The following TFPI variants were observed in gnomAD, a reference collection of about 807,000 sequenced individuals.
TFPI encodes the protein anti-convertin.
Under a neutral mutation model 34.6 loss-of-function variants are expected in TFPI, and 15 were observed. The observed-to-expected ratio is 0.43, with a 90% confidence interval of 0.29 to 0.67. The LOEUF (loss-of-function observed/expected upper bound fraction) is 0.67. Among genes scored for constraint, TFPI ranks in the 30% least tolerant of loss-of-function variants. The pLI is 0.15. For missense variants in TFPI, 301 were observed against 364.0 expected (o/e 0.83, Z 1.41); for synonymous variants, 105 against 120.1 (o/e 0.87, Z 0.82).
intron 3 of TFPI, among the ~76,000 whole-genome samples, chr2:187,492,274 T>A (rs1228665801): frequency 6.6e-6 from 1 of 152,196 alleles, no homozygotes; most frequent in Non-Finnish European, 1.5e-5. Flanking sequence ...GAGGATTTAG[T>A]CATAAATTCT....
intron 6 of TFPI, among the ~76,000 whole-genome samples, chr2:187,479,652 C>A (rs1451217838): frequency 1.4e-5 from 2 of 145,574 alleles, no homozygotes; most frequent in Non-Finnish European, 3.0e-5. Flanking sequence ...ACCAAAACGA[C>A]AATTCCATTT....
At chr2:187,488,554 T>C (rs1693461740) in intron 3 of TFPI, among the ~76,000 whole-genome samples, 179 bp from the exon 4 acceptor site, 1 of 151,406 alleles carries the variant, frequency 6.6e-6, no homozygotes, top group African/African-American at 2.4e-5. Flanking sequence ...TTTCTATTTA[T>C]TGTAACCATG....
At chr2:187,480,348 G>T (rs1692754506) in intron 6 of TFPI, among the ~76,000 whole-genome samples, 1 of 152,028 alleles carries the variant, frequency 6.6e-6, no homozygotes, top group South Asian at 2.1e-4. Context: ...GAACTGACTA[G>T]ATATCAGGCA....
chr2:187,493,149 C>G (rs1399216167), intron 3 of TFPI, among the ~76,000 whole-genome samples: 1 of 152,166 alleles, frequency 6.6e-6, no homozygotes, highest in Non-Finnish European at 1.5e-5. Flanking sequence ...CGCATCCAGG[C>G]ATTTCCATAC....
chr2:187,468,322 T>G (rs1406969526), intron 6 of TFPI, among the ~76,000 whole-genome samples: 1 of 151,968 alleles, frequency 6.6e-6, no homozygotes, highest in Non-Finnish European at 1.5e-5. Flanking sequence ...ACATATCATT[T>G]GTTCACAAAT....
At chr2:187,507,006 C>G (rs754077491) in intron 1 of TFPI, among the ~76,000 whole-genome samples, 23 of 151,938 alleles carry the variant, frequency 1.5e-4, no homozygotes, top group Non-Finnish European at 3.1e-4. Flanking sequence ...TTTGCTGCAC[C>G]CATCAACCCA....
chr2:187,517,396 A>G (rs1200337898), intron 1 of TFPI: 1 of 152,078 alleles, frequency 6.6e-6, no homozygotes, highest in East Asian at 1.9e-4. Flanking sequence ...CTTAATTTTT[A>G]TATTTACCCA....
intron 4 of TFPI, among the ~76,000 whole-genome samples, chr2:187,486,809 T>C (rs1693301063): frequency 6.6e-6 from 1 of 151,656 alleles, no homozygotes; most frequent in South Asian, 2.1e-4. Flanking sequence ...GCATTATCAC[T>C]GTCAACTTTT....
At chr2:187,478,907 A>G (rs1300189426) in intron 6 of TFPI, 3 of 859,894 alleles carry the variant, frequency 3.5e-6, no homozygotes, top group Non-Finnish European at 5.2e-6. Flanking sequence ...TGTATAGTAC[A>G]TTATGTTTTT....
intron 2 of TFPI, among the ~76,000 whole-genome samples, chr2:187,500,189 C>T (rs1685759951): frequency 6.6e-6 from 1 of 152,092 alleles, no homozygotes; most frequent in Non-Finnish European, 1.5e-5. Flanking sequence ...AGTAGTTGTA[C>T]CTAGCAACAA....
rs1290698636 is a variant in TFPI at position 187,465,901 on chromosome 2, A to G, written c.*1035T>C. The stretch of plus-strand genomic sequence containing the variant: ...GCCAGACTGCACATGGCTCAGCAAT[A>G]AATGAAAGATACAGGTCTGGATATA... On this transcript the variant is annotated 3_prime_UTR_variant, in exon 8 of 8. Coordinates refer to ENST00000233156, the MANE Select transcript of TFPI (RefSeq NM_006287.6). 1 of 152,178 alleles carries G rather than the reference A, an allele frequency of 6.6e-6. No homozygotes were observed. Among genetic ancestry groups the G allele is most frequent in the Non-Finnish European group, 1.5e-5 (1 of 68,038 alleles). The allele number at this position is 152,178 out of a possible 1,614,324, so 9.4% of individuals were successfully genotyped here.
In TFPI at chr2:187,465,740, G is replaced by T. The variant is rs761570784; in HGVS notation, c.*1196C>A. ...ATTCATGAAGCTATTCATGAAGCTA[G>T]TCATGAAGCTAGTCATACCAAATGA... is the stretch of plus-strand genomic sequence containing the variant. On this transcript the variant is annotated 3_prime_UTR_variant, in exon 8 of 8. Transcript: ENST00000233156. 1.3e-5 allele frequency: 2 copies of T among 151,968 alleles called. No individual in the cohort carries two copies. The highest frequency in any genetic ancestry group is 4.8e-5 in the African/African-American group (2 of 41,396). The allele number at this position is 151,968 out of a possible 1,614,324, so 9.4% of individuals were successfully genotyped here.
chr2:187,532,843 C>T (rs1422756732), intron 1 of TFPI, among the ~76,000 whole-genome samples: 1 of 152,222 alleles, frequency 6.6e-6, no homozygotes, highest in African/African-American at 2.4e-5. Context: ...GAAATTCTTG[C>T]TCCTAGCACA....
intron 6 of TFPI, among the ~76,000 whole-genome samples, chr2:187,480,461 A>G (rs1163488309): frequency 6.6e-6 from 1 of 152,156 alleles, no homozygotes; most frequent in Non-Finnish European, 1.5e-5. Context: ...TGGAAAGATG[A>G]AACTCAGGTT....
chr2:187,479,473 T>C (rs1230183274), intron 6 of TFPI, among the ~76,000 whole-genome samples: 1 of 148,980 alleles, frequency 6.7e-6, no homozygotes, highest in Non-Finnish European at 1.5e-5. Flanking sequence ...TTTATCTATT[T>C]GTCTCATGTC....
At chr2:187,499,700 T>G (rs189224893) in intron 2 of TFPI, 2 of 152,060 alleles carry the variant, frequency 1.3e-5, no homozygotes, top group East Asian at 3.9e-4. Context: ...TCCTTAAATA[T>G]GGGACCCCAG....
At chr2:187,535,495 A>G (rs1285055258) in intron 1 of TFPI, among the ~76,000 whole-genome samples, 1 of 152,246 alleles carries the variant, frequency 6.6e-6, no homozygotes. Flanking sequence ...CTGGGTAAAT[A>G]ACAAAATCAA....
At chr2:187,523,300 CA>C (rs1328337267) in intron 1 of TFPI, among the ~76,000 whole-genome samples, 1 of 152,020 alleles carries the variant, frequency 6.6e-6, no homozygotes, top group Admixed American at 6.6e-5. Flanking sequence ...CACTATCCAC[CA>C]ACTCTTTAAT....
intron 1 of TFPI, among the ~76,000 whole-genome samples, chr2:187,545,176 A>G (rs1193524351): frequency 6.6e-6 from 1 of 152,204 alleles, no homozygotes; most frequent in African/African-American, 2.4e-5. Flanking sequence ...GTAATTGTAC[A>G]TAGTTTTTTA....
Sources: gnomAD v4.1 joint callset for allele counts (sites outside exome capture counted in the v4.1 genomes callset) on GRCh38, gnomAD v4.1.1 for gene constraint, MANE v1.5 for transcripts, NCBI Gene and HGNC (gene_info 2026-07-23, HGNC 2026-07-21) for gene names.